The following SLC25A21 variants were observed in gnomAD, a reference collection of about 807,000 sequenced individuals.
SLC25A21 encodes solute carrier family 25 member 21.
Under a neutral mutation model 43.8 loss-of-function variants are expected in SLC25A21, and 47 were observed. The observed-to-expected ratio is 1.07, with a 90% CI of 0.85 to 1.37. The LOEUF (loss-of-function observed/expected upper bound fraction) is 1.37, where lower values mean the gene tolerates loss of function less well. SLC25A21 is among the 40% of genes most tolerant of loss of function. SLC25A21 has a pLI of 0.00. For missense variants in SLC25A21, 352 were observed against 350.2 expected (o/e 1.00, Z -0.04); for synonymous variants, 131 against 121.3 (o/e 1.08, Z -0.52).
chr14:37,123,886 T>C (rs1963253426), intron 1 of SLC25A21, among the ~76,000 whole-genome samples: 2 of 152,144 alleles, frequency 1.3e-5, no homozygotes, highest in South Asian at 4.1e-4. Context: ...AAGTAAATAC[T>C]ATAAGGAAAT....
At chr14:37,060,146 T>A (rs902296187) in intron 1 of SLC25A21, among the ~76,000 whole-genome samples, 21 of 151,656 alleles carry the variant, frequency 1.4e-4, no homozygotes, top group Admixed American at 1.2e-3. Flanking sequence ...GCAGGTAATT[T>A]AGGTAATGCA....
At chr14:37,105,416 T>C (rs1962892643) in intron 1 of SLC25A21, among the ~76,000 whole-genome samples, 1 of 152,158 alleles carries the variant, frequency 6.6e-6, no homozygotes, top group Non-Finnish European at 1.5e-5. Context: ...ATGTGGTGTC[T>C]AATCCTGAAT....
intron 1 of SLC25A21, among the ~76,000 whole-genome samples, chr14:36,927,320 C>T (rs998933842): frequency 2.0e-5 from 3 of 152,114 alleles, no homozygotes; most frequent in African/African-American, 4.8e-5. Flanking sequence ...TTCATAAAAC[C>T]GTATTTTAGA....
intron 1 of SLC25A21, among the ~76,000 whole-genome samples, chr14:37,150,180 G>A (rs1963734807): frequency 2.0e-5 from 3 of 152,106 alleles, no homozygotes; most frequent in South Asian, 4.1e-4. Context: ...CTCCTGTTTA[G>A]AGATGTTTAT....
intron 2 of SLC25A21, among the ~76,000 whole-genome samples, chr14:36,830,275 G>A (rs1888989248): frequency 6.6e-6 from 1 of 152,142 alleles, no homozygotes; most frequent in Admixed American, 6.5e-5. Context: ...TTAGTTCACA[G>A]CAAAAGATGC....
At chr14:37,015,355 T>C (rs1266930146) in intron 1 of SLC25A21, among the ~76,000 whole-genome samples, 1 of 151,720 alleles carries the variant, frequency 6.6e-6, no homozygotes, top group Non-Finnish European at 1.5e-5. Flanking sequence ...TCCATGTCCC[T>C]ACAAAGGACA....
chr14:36,795,293 C>A (rs962013074), intron 3 of SLC25A21, among the ~76,000 whole-genome samples: 1 of 152,158 alleles, frequency 6.6e-6, no homozygotes, highest in African/African-American at 2.4e-5. Context: ...CTCCTTTGGT[C>A]AATTTCAAGT....
chr14:36,729,433 A>G, intron 5 of SLC25A21, 74 bp downstream of exon 5: 3 of 1,186,162 alleles, frequency 2.5e-6, no homozygotes, highest in Non-Finnish European at 3.5e-6. Context: ...TTGGAAATCA[A>G]AAGAGTTTTT....
At chr14:36,952,735 T>C (rs1368360990) in intron 1 of SLC25A21, among the ~76,000 whole-genome samples, 1 of 152,208 alleles carries the variant, frequency 6.6e-6, no homozygotes, top group Non-Finnish European at 1.5e-5. Flanking sequence ...CAGTGATTCC[T>C]TAGCGTTGTG....
chr14:36,816,497 C>CTTT (rs373274280), intron 2 of SLC25A21, among the ~76,000 whole-genome samples: 6 of 131,830 alleles, frequency 4.6e-5, no homozygotes, highest in Admixed American at 7.8e-5. Flanking sequence ...ATATTCTCCT[C>CTTT]TTTTTTTTTT....
chr14:36,868,470 A>G (rs1890274786), intron 2 of SLC25A21, among the ~76,000 whole-genome samples: 1 of 152,188 alleles, frequency 6.6e-6, no homozygotes, highest in African/African-American at 2.4e-5. Flanking sequence ...GCCTCTGCTA[A>G]CATTAGGTCT....
At chr14:36,868,888 C>T (rs1890288770) in intron 2 of SLC25A21, among the ~76,000 whole-genome samples, 1 of 152,198 alleles carries the variant, frequency 6.6e-6, no homozygotes, top group Non-Finnish European at 1.5e-5. Flanking sequence ...CAGAGGACTT[C>T]TCCCATCCCT....
At chr14:36,995,775 C>A (rs571335469) in intron 1 of SLC25A21, among the ~76,000 whole-genome samples, 32 of 152,232 alleles carry the variant, frequency 2.1e-4, no homozygotes, top group Admixed American at 5.9e-4. Flanking sequence ...GCCCAGGTAT[C>A]AAGACTTACG....
chr14:37,110,685 G>C (rs1963002448), intron 1 of SLC25A21, among the ~76,000 whole-genome samples: 3 of 151,974 alleles, frequency 2.0e-5, no homozygotes, highest in Non-Finnish European at 4.4e-5. Flanking sequence ...GGTTTCATAA[G>C]GGACCACCAT....
At chr14:36,861,471 A>T (rs551968812) in intron 2 of SLC25A21, among the ~76,000 whole-genome samples, 1 of 152,180 alleles carries the variant, frequency 6.6e-6, no homozygotes, top group African/African-American at 2.4e-5. Context: ...TCTTCTCTCA[A>T]GCAGCCTCTT....
At position 36,814,020 on chromosome 14, in the gene SLC25A21, C is replaced by G. The variant is rs1296563933; in HGVS notation, c.120-19G>C. 1 of 1,572,300 alleles carries G rather than the reference C, an allele frequency of 6.4e-7. No individual in the cohort carries two copies. Among genetic ancestry groups the G allele is most frequent in the African/African-American group, 1.4e-5 (1 of 72,888 alleles). ...CTGAAACCTAGAAGCAAAATCAAAC[C>G]AAAAATTCTAAGTTAAAGATTTTGC... On this transcript the variant is annotated intron_variant, in intron 2 of 9. Coordinates refer to ENST00000331299, the MANE Select transcript of SLC25A21 (RefSeq NM_030631.4).
intron 1 of SLC25A21, among the ~76,000 whole-genome samples, chr14:37,104,179 G>A (rs1037341007): frequency 1.3e-5 from 2 of 152,168 alleles, no homozygotes; most frequent in Non-Finnish European, 2.9e-5. Flanking sequence ...ACTAGAAATG[G>A]ATGTAAAAAT....
At chr14:36,698,206 G>GAA (rs1327977852) in intron 7 of SLC25A21, among the ~76,000 whole-genome samples, 1 of 152,122 alleles carries the variant, frequency 6.6e-6, no homozygotes, top group Non-Finnish European at 1.5e-5. Flanking sequence ...ATTCTGGGTT[G>GAA]AAAACTCCTT....
At chr14:36,748,330 C>T (rs1045667867) in intron 3 of SLC25A21, among the ~76,000 whole-genome samples, 8 of 152,188 alleles carry the variant, frequency 5.3e-5, no homozygotes, top group African/African-American at 1.9e-4. Context: ...TGAGGAACGG[C>T]TGAGCCAAGG....
Sources: gnomAD v4.1 joint callset for allele counts (sites outside exome capture counted in the v4.1 genomes callset) on GRCh38, gnomAD v4.1.1 for gene constraint, MANE v1.5 for transcripts, NCBI Gene and HGNC (gene_info 2026-07-23, HGNC 2026-07-21) for gene names.